Variants in HDAC9 observed in about 807,000 individuals in gnomAD.
HDAC9 encodes MEF-2 interacting transcription repressor (MITR) protein.
In HDAC9, 41 loss-of-function variants were observed where a neutral mutation model predicts 139.4. That is an observed-to-expected ratio of 0.29 (90% CI 0.23 to 0.38). The LOEUF (loss-of-function observed/expected upper bound fraction) is 0.38, where lower values mean the gene tolerates loss of function less well. HDAC9 is among the 10% of genes least tolerant of loss of function. The pLI is 1.00. For synonymous variants in HDAC9, 517 were observed against 476.2 expected (o/e 1.09, Z -1.12); for missense variants, 1,147 against 1,297.0 (o/e 0.88, Z 1.78).
chr7:18,811,771 G>A (rs1283917975), intron 17 of HDAC9, among the ~76,000 whole-genome samples: 1 of 151,334 alleles, frequency 6.6e-6, no homozygotes, highest in Non-Finnish European at 1.5e-5. Context: ...TTAAATGTTG[G>A]TATATGTTTA....
chr7:18,194,734 A>C (rs1033284133), intron 2 of HDAC9, among the ~76,000 whole-genome samples: 1 of 152,146 alleles, frequency 6.6e-6, no homozygotes, highest in African/African-American at 2.4e-5. Flanking sequence ...TTCTCATATG[A>C]CCATCTTATT....
intron 1 of HDAC9, among the ~76,000 whole-genome samples, chr7:18,107,425 A>T (rs879344858): frequency 6.6e-6 from 1 of 152,196 alleles, no homozygotes; most frequent in Non-Finnish European, 1.5e-5. Context: ...CATTTGCCCT[A>T]CTGAAGATCA....
chr7:18,986,552 G>A (rs1318285663), intron 25 of HDAC9, among the ~76,000 whole-genome samples: 21 of 134,208 alleles, frequency 1.6e-4, no homozygotes, highest in Non-Finnish European at 2.5e-4. Flanking sequence ...TTGGCAATGC[G>A]GGCTCTTTTT....
rs568552023 is a variant in HDAC9 at position 18,731,716 on chromosome 7, C to T, written c.1909+3959C>T. On this transcript the variant is annotated intron_variant, in intron 13 of 25. Coordinates refer to ENST00000686413, the MANE Select transcript of HDAC9 (RefSeq NM_178425.4). ...TCTTGGCTCACCACAACCTCCGCCT[C>T]CCGGGTTCAAGTGATTCTCCTGCCT... Among the ~76,000 whole-genome samples the T allele has an allele frequency of 2.0e-5, 3 of 152,306 alleles. No individual in the cohort carries two copies. In the South Asian group the frequency reaches 6.2e-4, roughly 32 times the overall value.
In HDAC9 at chr7:18,727,743, C is replaced by G; in HGVS notation, c.1895C>G (p.Pro632Arg). 6.5e-7 allele frequency: 1 copy of G among 1,532,722 alleles called. No individual in the cohort carries two copies. Among genetic ancestry groups the G allele is most frequent in the African/African-American group, 1.4e-5 (1 of 70,566 alleles). 94.9% of individuals were successfully genotyped at this position (1,532,722 alleles called of 1,614,324 possible). A position where few individuals can be genotyped will look rare whatever the true frequency, so the allele number is the denominator to read the frequency against. Residue 632 changes from proline to arginine, a missense_variant, in exon 13 of 26, where the codon CCT becomes CGT. By Grantham distance (103) the Pro-to-Arg change is moderately radical (BLOSUM62 -2). Transcript: ENST00000686413. ...CCAGCAATGGACCGCCCCCTCCAGC[C>G]TGGCTCTGCAACTGGTAGGAATCCC... is the stretch of plus-strand genomic sequence containing the variant. ...PHPAMDRPLQ[P>R]GSATGIAYDP... is the part of the protein sequence containing the mutation.
At chr7:18,968,077 G>A (rs1224166317) in intron 24 of HDAC9, among the ~76,000 whole-genome samples, 2 of 152,044 alleles carry the variant, frequency 1.3e-5, no homozygotes, top group Non-Finnish European at 2.9e-5. Flanking sequence ...CAAGAGAATC[G>A]CTTGAACCCG....
intron 2 of HDAC9, among the ~76,000 whole-genome samples, chr7:18,257,248 G>A (rs1206736718): frequency 6.6e-6 from 1 of 151,492 alleles, no homozygotes; most frequent in East Asian, 1.9e-4. Context: ...GCCTAAGTGG[G>A]TGGATTGCTT....
intron 24 of HDAC9, among the ~76,000 whole-genome samples, chr7:18,959,043 G>A (rs1235364517): frequency 1.3e-5 from 2 of 152,120 alleles, no homozygotes; most frequent in African/African-American, 2.4e-5. Context: ...TCATATGGAT[G>A]TTTCCTTTCC....
intron 2 of HDAC9, among the ~76,000 whole-genome samples, chr7:18,535,805 T>C (rs1048555432): frequency 1.4e-5 from 2 of 140,946 alleles, no homozygotes; most frequent in African/African-American, 5.2e-5. Context: ...ACATTTCAAA[T>C]ACACAGAACT....
intron 1 of HDAC9, among the ~76,000 whole-genome samples, chr7:18,346,221 A>G (rs1206586179): frequency 6.6e-6 from 1 of 152,138 alleles, no homozygotes; most frequent in African/African-American, 2.4e-5. Flanking sequence ...AAATGTTTCT[A>G]TTTTAAAAAT....
At chr7:18,492,737 C>T (rs1451296424), upstream of HDAC9, among the ~76,000 whole-genome samples, 3 of 151,668 alleles carry the variant, frequency 2.0e-5, no homozygotes, top group Admixed American at 6.6e-5. Flanking sequence ...TTATAAATAC[C>T]CCAAAAGAAA....
intron 2 of HDAC9, among the ~76,000 whole-genome samples, chr7:18,580,894 T>C (rs756961211): frequency 6.6e-6 from 1 of 152,214 alleles, no homozygotes; most frequent in Non-Finnish European, 1.5e-5. Context: ...GGTATTGTGT[T>C]ACTATTATTT....
intron 13 of HDAC9, among the ~76,000 whole-genome samples, chr7:18,728,615 C>T (rs768347916): frequency 1.3e-5 from 2 of 152,110 alleles, no homozygotes; most frequent in Non-Finnish European, 2.9e-5. Flanking sequence ...CTGCAGAAAA[C>T]GAATTTATAT....
chr7:18,752,450 G>T (rs1237606584), intron 14 of HDAC9, among the ~76,000 whole-genome samples: 1 of 152,108 alleles, frequency 6.6e-6, no homozygotes, highest in East Asian at 1.9e-4. Context: ...CAAATAAAGA[G>T]AATCAAGGCT....
chr7:18,112,085 C>T (rs772707232), intron 1 of HDAC9, among the ~76,000 whole-genome samples: 31 of 152,140 alleles, frequency 2.0e-4, no homozygotes, highest in Non-Finnish European at 3.4e-4. Flanking sequence ...AAAGCTCATC[C>T]TCCCTAATTA....
At chr7:18,688,167 C>T (rs1159331764) in intron 12 of HDAC9, among the ~76,000 whole-genome samples, 1 of 151,648 alleles carries the variant, frequency 6.6e-6, no homozygotes, top group Non-Finnish European at 1.5e-5. Context: ...TACTCCATTA[C>T]TCTTTTAGTT....
chr7:18,164,495 C>A (rs1787867630), intron 2 of HDAC9, among the ~76,000 whole-genome samples: 2 of 152,160 alleles, frequency 1.3e-5, no homozygotes, highest in Non-Finnish European at 2.9e-5. Flanking sequence ...ACAAATGGCT[C>A]TAAGGAGTTA....
intron 1 of HDAC9, among the ~76,000 whole-genome samples, chr7:18,352,969 A>G (rs1452257329): frequency 6.6e-6 from 1 of 152,084 alleles, no homozygotes; most frequent in Non-Finnish European, 1.5e-5. Context: ...AATCAGCAAA[A>G]TATTTTGAGA....
At chr7:18,842,426 A>G (rs777346165) in intron 21 of HDAC9, among the ~76,000 whole-genome samples, 6 of 152,148 alleles carry the variant, frequency 3.9e-5, no homozygotes, top group Admixed American at 3.3e-4. Flanking sequence ...CTTGTCAATC[A>G]ATCTTAGTAA....
Sources: allele counts gnomAD v4.1 joint callset (sites outside exome capture counted in the v4.1 genomes callset), GRCh38; gene constraint gnomAD v4.1.1; transcripts MANE v1.5; gene names NCBI Gene and HGNC (gene_info 2026-07-23, HGNC 2026-07-21).